The following SNX31 variants were observed in gnomAD, a reference collection of about 807,000 sequenced individuals.
SNX31 encodes sorting nexin-31.
A neutral mutation model predicts 65.4 loss-of-function variants in SNX31; 58 were observed. The observed-to-expected ratio is 0.89, with a 90% confidence interval of 0.72 to 1.10. The LOEUF (loss-of-function observed/expected upper bound fraction) is 1.10. SNX31 is among the 50% of genes least tolerant of loss of function. SNX31 has a pLI of 0.00. For synonymous variants in SNX31, 181 were observed against 190.1 expected (o/e 0.95, Z 0.39); for missense variants, 523 against 529.7 (o/e 0.99, Z 0.12).
intron 8 of SNX31, among the ~76,000 whole-genome samples, chr8:100,601,855 G>A (rs576161913): frequency 1.3e-5 from 2 of 151,978 alleles, no homozygotes; most frequent in East Asian, 3.9e-4. Flanking sequence ...AACATGAAAC[G>A]TGGAAGTAAC....
intron 10 of SNX31, among the ~76,000 whole-genome samples, chr8:100,593,016 T>C (rs897083118): frequency 6.6e-6 from 1 of 152,040 alleles, no homozygotes; most frequent in South Asian, 2.1e-4. Context: ...AGATCAGTGG[T>C]TTTTTAGGGC....
At chr8:100,653,976 T>G (rs193133229), upstream of SNX31, among the ~76,000 whole-genome samples, 159 of 152,298 alleles carry the variant, frequency 1.0e-3, no homozygotes, top group African/African-American at 3.8e-3. Flanking sequence ...ATTTAATGCT[T>G]GCAACAACCA....
At chr8:100,653,262 C>A (rs1328715287), upstream of SNX31, among the ~76,000 whole-genome samples, 2 of 152,236 alleles carry the variant, frequency 1.3e-5, no homozygotes, top group East Asian at 3.9e-4. Context: ...AGGAGAACTA[C>A]AAAATCACAC....
chr8:100,658,871 T>G (rs1395845140), intron 1 of SNX31, among the ~76,000 whole-genome samples: 2 of 152,236 alleles, frequency 1.3e-5, no homozygotes, highest in East Asian at 3.8e-4. Flanking sequence ...TGATCACTCC[T>G]GGTGGGACCT....
intron 5 of SNX31, among the ~76,000 whole-genome samples, chr8:100,616,131 A>T (rs1817179523): frequency 6.6e-6 from 1 of 152,142 alleles, no homozygotes; most frequent in Non-Finnish European, 1.5e-5. Flanking sequence ...AACTTATGGG[A>T]CCACCATTGT....
intron 2 of SNX31, among the ~76,000 whole-genome samples, chr8:100,644,105 G>C (rs773403604): frequency 1.8e-4 from 28 of 152,248 alleles, no homozygotes; most frequent in Non-Finnish European, 3.8e-4. Context: ...AGGAGGTATG[G>C]GTAGGGAAAG....
At position 100,614,134 on chromosome 8, in the gene SNX31, T is replaced by G. The variant is rs570969848; in HGVS notation, c.433-1049A>C. 2.2e-4 allele frequency among the ~76,000 whole-genome samples: 33 copies of G among 152,306 alleles called. No individual in the cohort carries two copies. Among genetic ancestry groups the G allele is most frequent in the Admixed American group, 6.5e-4 (10 of 15,292 alleles). ...TTGAAAATAAAGAGCAGCTGAGGAA[T>G]AGTTTCACCACTTTCAAAGCAATTC... On this transcript the variant is annotated intron_variant, in intron 5 of 13. Coordinates refer to ENST00000311812, the MANE Select transcript of SNX31 (RefSeq NM_152628.4). The surrounding 1 kb of genome is among the most constrained non-coding windows in gnomAD (Gnocchi z 5.1).
At chr8:100,661,671 A>G (rs540260931) in intron 1 of SNX31, among the ~76,000 whole-genome samples, 3 of 150,102 alleles carry the variant, frequency 2.0e-5, no homozygotes, top group African/African-American at 7.4e-5. Flanking sequence ...TGGGACTATA[A>G]CATGCACCAC....
At chr8:100,649,760 GGGCGCATCCAC>G (rs1304597894), upstream of SNX31, 3 of 432,952 alleles carry the variant, frequency 6.9e-6, no homozygotes, top group Admixed American at 9.1e-5. Flanking sequence ...CCTGGGGCTG[GGGCGCATCCAC>G]GGCCACCCCC....
chr8:100,641,561 AAAAAATATATATATATAT>A (rs1314982042), intron 2 of SNX31, among the ~76,000 whole-genome samples: 592 of 28,682 alleles, frequency 0.021, 30 homozygotes, highest in Non-Finnish European at 0.028. Flanking sequence ...AAAAAAAAAA[AAAAAATATATATATATAT>A]ATATATATAT....
At chr8:100,600,541 G>A (rs951264179) in intron 8 of SNX31, 100 bp from the exon 9 acceptor site, 13 of 866,648 alleles carry the variant, frequency 1.5e-5, no homozygotes, top group Non-Finnish European at 2.2e-5. Flanking sequence ...ACAAACCCAA[G>A]TGGATATATA....
Position 100,610,614 on chromosome 8 carries a change from C to T in SNX31, c.611+1386G>A, listed in dbSNP as rs986997950. Among the ~76,000 whole-genome samples, 4 of 152,178 alleles carry T rather than the reference C, an allele frequency of 2.6e-5. No individual in the cohort carries two copies. The highest frequency in any genetic ancestry group is 9.7e-5 in the African/African-American group (4 of 41,450). ...CAACTTAGATTCACATACTGTAATT[C>T]CAGGAACAACTGTGCTCAGCCATTC... On this transcript the variant is annotated intron_variant, in intron 7 of 13. Coordinates refer to ENST00000311812, the MANE Select transcript of SNX31 (RefSeq NM_152628.4). This position sits in a 1 kb window ranked among gnomAD's most constrained non-coding sequence, Gnocchi z 4.0.
chr8:100,608,644 C>A, intron 7 of SNX31, 81 bp from the exon 8 acceptor site: 1 of 1,359,142 alleles, frequency 7.4e-7, no homozygotes, highest in Non-Finnish European at 1.0e-6. Context: ...AAAGTGGTGG[C>A]CCTCTACCCT....
At chr8:100,628,097 C>T (rs1818165642) in intron 4 of SNX31, among the ~76,000 whole-genome samples, 1 of 152,134 alleles carries the variant, frequency 6.6e-6, no homozygotes, top group Non-Finnish European at 1.5e-5. Context: ...ACAACAGGTG[C>T]TGGAGGGGAT....
Position 100,618,652 on chromosome 8 carries a change from T to C in SNX31, c.322-922A>G, listed in dbSNP as rs147514142. The C allele has an allele frequency of 1.3e-4, 61 of 471,228 alleles. No homozygotes were observed. In the East Asian group the frequency reaches 2.2e-3, roughly 17 times the overall value. 29.2% of individuals were successfully genotyped at this position (471,228 alleles called of 1,614,324 possible). A position where few individuals can be genotyped will look rare whatever the true frequency, so the allele number is the denominator to read the frequency against. ...TTCCATGACCCCCTCTCAGGTTTGA[T>C]AGTTTGCTAGAACAACTCACAAAGT... On this transcript the variant is annotated intron_variant, in intron 4 of 13. Transcript: ENST00000311812.
intron 8 of SNX31, among the ~76,000 whole-genome samples, chr8:100,607,699 A>C (rs1175888910): frequency 6.6e-6 from 1 of 152,248 alleles, no homozygotes; most frequent in Non-Finnish European, 1.5e-5. Flanking sequence ...GCTTGAGGAA[A>C]TAGATACCTT....
chr8:100,602,104 G>A (rs964495787), intron 8 of SNX31, among the ~76,000 whole-genome samples: 3 of 152,174 alleles, frequency 2.0e-5, no homozygotes, highest in Non-Finnish European at 2.9e-5. Flanking sequence ...GGAAGACCCC[G>A]CGCCCGTCGT....
intron 10 of SNX31, among the ~76,000 whole-genome samples, chr8:100,590,266 A>G (rs1458302133): frequency 6.6e-6 from 1 of 152,226 alleles, no homozygotes; most frequent in African/African-American, 2.4e-5. Flanking sequence ...CCTAGGGGGC[A>G]ACAGACATTA....
chr8:100,586,301 C>T (rs867651068), intron 11 of SNX31, among the ~76,000 whole-genome samples: 1 of 152,334 alleles, frequency 6.6e-6, no homozygotes, highest in Non-Finnish European at 1.5e-5. Flanking sequence ...ACACAAGTCA[C>T]ATTTCCACCT....
Sources: allele counts gnomAD v4.1 joint callset (sites outside exome capture counted in the v4.1 genomes callset), GRCh38; gene constraint gnomAD v4.1.1; non-coding constraint Gnocchi (gnomAD v3.1); transcripts MANE v1.5; gene names NCBI Gene and HGNC (gene_info 2026-07-23, HGNC 2026-07-21).